SIPA1L2: variants seen among roughly 807,000 people sequenced by gnomAD.
SIPA1L2 encodes signal-induced proliferation-associated 1-like protein 2.
In SIPA1L2, 56 loss-of-function variants were observed where a neutral mutation model predicts 163.9. The observed-to-expected ratio is 0.34, with a 90% CI of 0.28 to 0.43. The LOEUF (loss-of-function observed/expected upper bound fraction) is 0.43, where lower values mean the gene tolerates loss of function less well. SIPA1L2 is among the 20% of genes least tolerant of loss of function. SIPA1L2 has a pLI of 1.00. For synonymous variants in SIPA1L2, 877 were observed against 865.7 expected (o/e 1.01, Z -0.23); for missense variants, 1,974 against 2,193.5 (o/e 0.90, Z 2.00).
At chr1:232,463,225 G>C (rs1464415940) in intron 9 of SIPA1L2, among the ~76,000 whole-genome samples, 1 of 152,160 alleles carries the variant, frequency 6.6e-6, no homozygotes, top group Non-Finnish European at 1.5e-5. Flanking sequence ...CTCTCATTCT[G>C]CTCCTGTACT....
At chr1:232,448,286 G>A (rs756099713) in intron 10 of SIPA1L2, among the ~76,000 whole-genome samples, 20 of 152,174 alleles carry the variant, frequency 1.3e-4, no homozygotes, top group Non-Finnish European at 2.4e-4. Context: ...GACTAGATAA[G>A]TCTCAACTCT....
chr1:232,434,435 A>G, intron 15 of SIPA1L2, among the ~76,000 whole-genome samples: 1 of 152,132 alleles, frequency 6.6e-6, no homozygotes, highest in South Asian at 2.1e-4. Flanking sequence ...GGTGCCCTTG[A>G]GTATGACTGA....
chr1:232,473,378 C>T (rs1191647391), intron 7 of SIPA1L2, among the ~76,000 whole-genome samples: 1 of 152,216 alleles, frequency 6.6e-6, no homozygotes, highest in East Asian at 1.9e-4. Flanking sequence ...CTCACTTTGG[C>T]CAAGGCCAGG....
At chr1:232,549,957 A>G (rs566150016) in intron 2 of SIPA1L2, among the ~76,000 whole-genome samples, 1 of 152,356 alleles carries the variant, frequency 6.6e-6, no homozygotes, top group East Asian at 1.9e-4. Context: ...TGTGATGGTG[A>G]TAACTGTGAC....
intron 6 of SIPA1L2, 107 bp downstream of exon 6, chr1:232,483,685 C>T (rs1246022922): frequency 5.6e-6 from 7 of 1,251,118 alleles, no homozygotes; most frequent in South Asian, 1.3e-5. Flanking sequence ...TTCTAGGCTG[C>T]TTCTGGGGCC....
chr1:232,484,989 G>A (rs12402638), intron 5 of SIPA1L2, among the ~76,000 whole-genome samples: 36,710 of 152,122 alleles, frequency 0.24, 4,615 homozygotes, highest in Admixed American at 0.34. Context: ...GAGCAGCAAA[G>A]TGATGACAGC....
In SIPA1L2 at chr1:232,514,461, T is replaced by C. The variant is rs1667125403; in HGVS notation, c.879A>G (p.Arg293=). 6.2e-7 allele frequency: 1 copy of C among 1,614,094 alleles called. No individual in the cohort carries two copies. Among genetic ancestry groups the C allele is most frequent in the African/African-American group, 1.3e-5 (1 of 74,928 alleles). ...GCTCACTTTTAACAGTTCGAAGCTT[T>C]CGGAAGAGAGATGTTTCCACCGACT... ...KSESVETSLF[R]KLRTVKSEHE... Residue 293 remains arginine (R), a synonymous_variant, in exon 3 of 23, where the codon CGA becomes CGG. Transcript: ENST00000674635.
intron 1 of SIPA1L2, among the ~76,000 whole-genome samples, chr1:232,604,758 C>A (rs556386351): frequency 1.8e-4 from 28 of 152,256 alleles, no homozygotes; most frequent in Admixed American, 7.2e-4. Context: ...AGTACTATCT[C>A]ATGATGGAGT....
In SIPA1L2 at chr1:232,465,048, T is replaced by G; in HGVS notation, c.2612A>C (p.Glu871Ala). The change falls in exon 9 of 23, where the codon GAA (glutamate) becomes GCA (alanine). Residue 871 changes from glutamate (E) to alanine (A), a missense_variant. By Grantham distance (107) the Glu-to-Ala change is moderately radical. Transcript: ENST00000674635. This position sits in a 1 kb window ranked among gnomAD's most constrained non-coding sequence, Gnocchi z 4.1. ...CTCATTGGAGATCCCGAGAAGACAT[T>G]CAATGTCAGCAGACTGGCCGAAGTC... ...ARDFGQSADIECLLGISNEFI... is the reference protein window; with the variant it reads ...ARDFGQSADIACLLGISNEFI... The G allele has an allele frequency of 6.2e-7, 1 of 1,614,150 alleles. No homozygotes were observed. The highest frequency in any genetic ancestry group is 8.5e-7 in the Non-Finnish European group (1 of 1,180,024).
chr1:232,483,146 A>G (rs991733495), intron 6 of SIPA1L2, among the ~76,000 whole-genome samples: 10 of 152,288 alleles, frequency 6.6e-5, no homozygotes, highest in Admixed American at 6.5e-4. Context: ...GGAGGGCATA[A>G]AGCCCATGTT....
At chr1:232,432,078 G>T (rs1280563074) in intron 16 of SIPA1L2, among the ~76,000 whole-genome samples, 169 bp downstream of exon 16, 1 of 152,156 alleles carries the variant, frequency 6.6e-6, no homozygotes, top group Non-Finnish European at 1.5e-5. Context: ...AAAATCAAGA[G>T]AATAATTTTA....
At chr1:232,450,363 C>T (rs116374978) in intron 10 of SIPA1L2, among the ~76,000 whole-genome samples, 2,760 of 152,274 alleles carry the variant, frequency 0.018, 72 homozygotes, top group African/African-American at 0.063. Context: ...ATACCACATC[C>T]CTAGGGCTAC....
chr1:232,564,266 G>A (rs1246046370), intron 2 of SIPA1L2, among the ~76,000 whole-genome samples: 1 of 116,846 alleles, frequency 8.6e-6, no homozygotes, highest in Non-Finnish European at 1.7e-5. Flanking sequence ...GTGTGTGTGT[G>A]TGTGTGTGTG....
chr1:232,566,339 C>T (rs1289645296), intron 2 of SIPA1L2, among the ~76,000 whole-genome samples: 1 of 152,162 alleles, frequency 6.6e-6, no homozygotes, highest in African/African-American at 2.4e-5. Context: ...CTTTATAAAG[C>T]TTTCCACTGA....
At chr1:232,495,018 T>C (rs1666108744) in intron 3 of SIPA1L2, among the ~76,000 whole-genome samples, 1 of 152,176 alleles carries the variant, frequency 6.6e-6, no homozygotes, top group South Asian at 2.1e-4. Flanking sequence ...GTTATGCCAA[T>C]GCTTGCCACA....
At chr1:232,520,353 C>T (rs1667407546) in intron 2 of SIPA1L2, among the ~76,000 whole-genome samples, 1 of 152,208 alleles carries the variant, frequency 6.6e-6, no homozygotes, top group South Asian at 2.1e-4. Flanking sequence ...CTAGGGAAGG[C>T]CACCGACCAA....
At chr1:232,509,856 C>T (rs751598022) in intron 3 of SIPA1L2, among the ~76,000 whole-genome samples, 27 of 152,318 alleles carry the variant, frequency 1.8e-4, no homozygotes, top group Non-Finnish European at 3.2e-4. Context: ...TTCACAGCTG[C>T]GCTGGAGAGA....
intron 17 of SIPA1L2, among the ~76,000 whole-genome samples, chr1:232,428,117 T>C (rs1389728649): frequency 2.6e-5 from 4 of 152,216 alleles, no homozygotes; most frequent in African/African-American, 9.6e-5. Flanking sequence ...CCAAGTCACT[T>C]GCATAAAGTC....
Position 232,460,906 on chromosome 1 carries a change from C to T in SIPA1L2, c.3076G>A (p.Asp1026Asn), listed in dbSNP as rs1664200824. ...CCTTACCTTCGGGGCGAGCCGTCAT[C>T]ATGGGGCTGGATGATGACCACCTTC... ...TVKVVIIQPH[D>N]DGSPRRGCSE... Residue 1026 changes from aspartate (D) to asparagine (N), a missense_variant, in exon 10 of 23, where the codon GAT becomes AAT. Physicochemically the swap from Asp to Asn is conservative, Grantham distance 23. This residue lies in a region of SIPA1L2 where 1,079 missense variants were observed against 1,150.7 expected (regional missense o/e 0.94). Transcript: ENST00000674635. 3 of 1,613,772 alleles carry T rather than the reference C, an allele frequency of 1.9e-6. No homozygotes were observed. The highest frequency in any genetic ancestry group is 1.3e-5 in the African/African-American group (1 of 74,940).
Sources: allele counts gnomAD v4.1 joint callset (sites outside exome capture counted in the v4.1 genomes callset), GRCh38; gene constraint gnomAD v4.1.1; regional missense constraint gnomAD v4.1.1; non-coding constraint Gnocchi (gnomAD v3.1); transcripts MANE v1.5; gene names NCBI Gene and HGNC (gene_info 2026-07-23, HGNC 2026-07-21).